Variants in ARB2A observed in about 807,000 individuals in gnomAD.
ARB2A encodes ARB2 cotranscriptional regulator A.
the ARB2A span, among the ~76,000 whole-genome samples, chr5:94,070,755 A>C: frequency 6.6e-6 from 1 of 152,100 alleles, no homozygotes; most frequent in Non-Finnish European, 1.5e-5. Flanking sequence ...CAAACAAAAA[A>C]AGGGGGCAAA....
At chr5:94,031,188 A>T in the ARB2A span, among the ~76,000 whole-genome samples, 1 of 152,182 alleles carries the variant, frequency 6.6e-6, no homozygotes, top group Non-Finnish European at 1.5e-5. Context: ...GCTAGAAAAA[A>T]ACCTCTATTG....
chr5:93,673,063 G>A, the ARB2A span, among the ~76,000 whole-genome samples: 1 of 152,164 alleles, frequency 6.6e-6, no homozygotes, highest in Admixed American at 6.5e-5. Context: ...AGTATCACTT[G>A]ATAAAGGAAA....
the ARB2A span, among the ~76,000 whole-genome samples, chr5:93,952,553 T>C: frequency 6.6e-6 from 1 of 152,158 alleles, no homozygotes; most frequent in Non-Finnish European, 1.5e-5. Context: ...TGGAGCTCCA[T>C]CGTATATTAT....
At chr5:93,707,471 T>A in the ARB2A span, among the ~76,000 whole-genome samples, 2 of 152,066 alleles carry the variant, frequency 1.3e-5, no homozygotes, top group Non-Finnish European at 2.9e-5. Flanking sequence ...AAATTCATTA[T>A]TTTTTGGCAT....
the ARB2A span, among the ~76,000 whole-genome samples, chr5:93,841,095 G>C: frequency 6.6e-6 from 1 of 152,014 alleles, no homozygotes; most frequent in Non-Finnish European, 1.5e-5. Context: ...ATAAAATTTA[G>C]GTCTTTTCTT....
the ARB2A span, among the ~76,000 whole-genome samples, chr5:93,690,885 A>G: frequency 6.6e-6 from 1 of 152,186 alleles, no homozygotes; most frequent in East Asian, 1.9e-4. Flanking sequence ...TCCGCTGGTG[A>G]TACCCAGGCA....
the ARB2A span, among the ~76,000 whole-genome samples, chr5:93,660,924 T>C: frequency 3.3e-5 from 5 of 152,272 alleles, no homozygotes; most frequent in South Asian, 1.0e-3. Flanking sequence ...ACTGATAATA[T>C]CAGTGTCAGA....
the ARB2A span, among the ~76,000 whole-genome samples, chr5:93,722,737 T>C: frequency 6.6e-6 from 1 of 152,154 alleles, no homozygotes; most frequent in African/African-American, 2.4e-5. Context: ...CGAGAGGTTA[T>C]TCCTCTGTTA....
the ARB2A span, among the ~76,000 whole-genome samples, chr5:93,631,413 C>T: frequency 6.6e-6 from 1 of 152,188 alleles, no homozygotes; most frequent in African/African-American, 2.4e-5. Flanking sequence ...AAGGTCTTGC[C>T]TCCAGGGTTA....
chr5:93,685,802 T>C, the ARB2A span, among the ~76,000 whole-genome samples: 5 of 152,196 alleles, frequency 3.3e-5, no homozygotes, highest in Non-Finnish European at 7.3e-5. Context: ...CTTTCTACTT[T>C]CCCAGGCCTT....
chr5:93,970,490 A>G, the ARB2A span, among the ~76,000 whole-genome samples: 2 of 152,210 alleles, frequency 1.3e-5, no homozygotes, highest in Non-Finnish European at 2.9e-5. Flanking sequence ...AAAGAAAAAT[A>G]ACTTTTAAAT....
chr5:93,985,394 T>TGGTCTCCCCCTCTCCCTCTTTCCCC, the ARB2A span, among the ~76,000 whole-genome samples: 1 of 151,356 alleles, frequency 6.6e-6, no homozygotes, highest in African/African-American at 2.4e-5. Flanking sequence ...CCTCTTTCCA[T>TGGTCTCCCCCTCTCCCTCTTTCCCC]GGTCTCCCCC....
At chr5:93,987,610 C>T in the ARB2A span, among the ~76,000 whole-genome samples, 1 of 152,136 alleles carries the variant, frequency 6.6e-6, no homozygotes, top group African/African-American at 2.4e-5. Context: ...TGACTACTTG[C>T]TCGGCATATC....
the ARB2A span, among the ~76,000 whole-genome samples, chr5:93,700,179 T>C: frequency 2.0e-5 from 3 of 152,156 alleles, no homozygotes; most frequent in Non-Finnish European, 4.4e-5. Context: ...AGAAAGCCAT[T>C]GAATGATTTA....
the ARB2A span, among the ~76,000 whole-genome samples, chr5:93,700,231 T>C: frequency 6.6e-6 from 1 of 152,244 alleles, no homozygotes; most frequent in Admixed American, 6.5e-5. Context: ...CATGCATATA[T>C]CTTTACTGTA....
the ARB2A span, among the ~76,000 whole-genome samples, chr5:93,986,777 G>A: frequency 2.6e-5 from 4 of 152,166 alleles, no homozygotes; most frequent in South Asian, 2.1e-4. Flanking sequence ...GATTAAGGGC[G>A]GTGCAAGATG....
the ARB2A span, among the ~76,000 whole-genome samples, chr5:94,075,828 C>T: frequency 6.6e-6 from 1 of 151,932 alleles, no homozygotes; most frequent in Non-Finnish European, 1.5e-5. Context: ...TCCAAATGGC[C>T]ATAATCAATG....
At chr5:94,005,193 C>T in the ARB2A span, among the ~76,000 whole-genome samples, 18 of 151,748 alleles carry the variant, frequency 1.2e-4, no homozygotes, top group African/African-American at 2.9e-4. Context: ...TTTGCCACTC[C>T]GTGTTTTTTT....
chr5:94,002,901 TC>T, the ARB2A span, among the ~76,000 whole-genome samples: 3 of 151,976 alleles, frequency 2.0e-5, no homozygotes, highest in African/African-American at 7.2e-5. Flanking sequence ...AGATAAGGCA[TC>T]CCCAATTATA....
Sources: allele counts gnomAD v4.1 joint callset (sites outside exome capture counted in the v4.1 genomes callset), GRCh38; gene constraint gnomAD v4.1.1; transcripts MANE v1.5; gene names NCBI Gene and HGNC (gene_info 2026-07-23, HGNC 2026-07-21).